The following FCHO2 variants were observed in gnomAD, a reference collection of about 807,000 sequenced individuals.
FCHO2 encodes the protein F-BAR domain only protein 2.
A neutral mutation model predicts 114.1 loss-of-function variants in FCHO2; 43 were observed. That is an observed-to-expected ratio of 0.38 (90% CI 0.30 to 0.49). The LOEUF is 0.49. FCHO2 is among the 20% of genes least tolerant of loss of function. The pLI is 0.97. For synonymous variants in FCHO2, 293 were observed against 315.2 expected (o/e 0.93, Z 0.75); for missense variants, 807 against 950.4 (o/e 0.85, Z 1.98).
chr5:72,974,997 A>C lies in FCHO2; in HGVS notation c.125+6408A>C, dbSNP rs985857149. On this transcript the variant is annotated intron_variant, in intron 2 of 25. Coordinates refer to ENST00000430046, the MANE Select transcript of FCHO2 (RefSeq NM_138782.3). ...TGACTGGATATGAAATTCGGGGTTG[A>C]AAATTCTTTTCTTTAAGAATGTTGA... 5.3e-5 allele frequency among the ~76,000 whole-genome samples: 8 copies of C among 152,120 alleles called. No homozygotes were observed. In the East Asian group the frequency reaches 1.5e-3, roughly 29 times the overall value.
In FCHO2 at chr5:73,068,696, C is replaced by G; in HGVS notation, c.1496C>G (p.Pro499Arg). The G allele has an allele frequency of 1.2e-6, 2 of 1,612,526 alleles. No individual in the cohort carries two copies. ...PPVTSNTSPP[P>R]AAPLARAESS... ...GTAACTTCCAACACCAGCCCACCTC[C>G]TGCTGCACCATTAGCCCGGGCAGAA... is the stretch of plus-strand genomic sequence containing the variant. Residue 499 changes from proline to arginine, a missense_variant, in exon 19 of 26, where the codon CCT (proline) becomes CGT (arginine). Coordinates refer to ENST00000430046, the MANE Select transcript of FCHO2 (RefSeq NM_138782.3).
chr5:73,041,400 C>G, intron 11 of FCHO2, 85 bp downstream of exon 11: 1 of 787,146 alleles, frequency 1.3e-6, no homozygotes, highest in Non-Finnish European at 2.0e-6. Flanking sequence ...TGAGTTGTTA[C>G]CAGTCTTTCA....
intron 11 of FCHO2, among the ~76,000 whole-genome samples, chr5:73,044,265 A>T (rs1324087470): frequency 6.6e-6 from 1 of 152,186 alleles, no homozygotes; most frequent in Non-Finnish European, 1.5e-5. Context: ...GTGAGAACAG[A>T]CGAATACAGT....
intron 6 of FCHO2, among the ~76,000 whole-genome samples, chr5:73,014,016 C>T (rs773954458): frequency 1.3e-5 from 2 of 151,864 alleles, no homozygotes; most frequent in Non-Finnish European, 2.9e-5. Context: ...ATTGTGAAGG[C>T]AAGGCAAGCA....
At chr5:72,998,930 C>T (rs1451043180) in intron 5 of FCHO2, among the ~76,000 whole-genome samples, 3 of 150,840 alleles carry the variant, frequency 2.0e-5, no homozygotes, top group African/African-American at 4.9e-5. Flanking sequence ...TGGGTGCAAG[C>T]GATCACCTCA....
intron 24 of FCHO2, among the ~76,000 whole-genome samples, chr5:73,083,575 T>C (rs983198515): frequency 2.0e-5 from 3 of 152,322 alleles, no homozygotes; most frequent in East Asian, 1.9e-4. Context: ...CCAGAAATCA[T>C]GTAGACGCTT....
At chr5:72,997,666 G>A (rs1754196824) in intron 5 of FCHO2, 6 of 1,527,404 alleles carry the variant, frequency 3.9e-6, no homozygotes, top group Admixed American at 3.4e-5. Flanking sequence ...CCCTTCACCT[G>A]AGTTGGGGTT....
At chr5:73,015,808 A>G (rs1755276873) in intron 7 of FCHO2, 84 bp downstream of exon 7, 4 of 759,438 alleles carry the variant, frequency 5.3e-6, no homozygotes, top group Non-Finnish European at 8.1e-6. Flanking sequence ...CACTCTGTTC[A>G]AAGTTCATAA....
chr5:73,030,971 A>G (rs1270496198), intron 8 of FCHO2, among the ~76,000 whole-genome samples: 1 of 152,222 alleles, frequency 6.6e-6, no homozygotes, highest in African/African-American at 2.4e-5. Context: ...GAGAGAAAGC[A>G]AATGCTATAT....
intron 2 of FCHO2, among the ~76,000 whole-genome samples, chr5:72,982,911 G>A (rs1753295466): frequency 7.3e-6 from 1 of 136,496 alleles, no homozygotes; most frequent in African/African-American, 2.7e-5. Context: ...CCATCGTATT[G>A]CATTTGTTCC....
At position 72,988,046 on chromosome 5, in the gene FCHO2, A is replaced by G. The variant is rs140130451; in HGVS notation, c.126-1381A>G. Among the ~76,000 whole-genome samples, 310 of 152,284 alleles carry G rather than the reference A, an allele frequency of 2.0e-3. 3 individuals are homozygous for G. Among genetic ancestry groups the G allele is most frequent in the African/African-American group, 7.2e-3 (300 of 41,560 alleles). Reference sequence around the variant, plus strand: ...AAGTTGGTTGGACCAATCAAAGTAAATGGAGGGATGATGGTGGTTGTAGAA... The same window carrying G: ...AAGTTGGTTGGACCAATCAAAGTAAGTGGAGGGATGATGGTGGTTGTAGAA... On this transcript the variant is annotated intron_variant, in intron 2 of 25. Transcript: ENST00000430046.
chr5:73,051,505 A>G, intron 12 of FCHO2, 99 bp downstream of exon 12: 1 of 678,348 alleles, frequency 1.5e-6, no homozygotes, highest in South Asian at 2.3e-5. Flanking sequence ...ATTTTTTATT[A>G]ATTATAAAAT....
chr5:73,066,677 A>C (rs1742352222), intron 18 of FCHO2, among the ~76,000 whole-genome samples: 2 of 146,824 alleles, frequency 1.4e-5, no homozygotes, highest in African/African-American at 5.1e-5. Flanking sequence ...CATCCTCCCT[A>C]CCCACTGAAA....
At chr5:73,038,231 C>T (rs908277474) in intron 10 of FCHO2, 1 of 152,206 alleles carries the variant, frequency 6.6e-6, no homozygotes, top group Non-Finnish European at 1.5e-5. Flanking sequence ...TATGCCAGGT[C>T]CCACCTCAGA....
chr5:73,019,147 G>A (rs1436623884), intron 8 of FCHO2, among the ~76,000 whole-genome samples: 1 of 152,196 alleles, frequency 6.6e-6, no homozygotes, highest in Non-Finnish European at 1.5e-5. Context: ...GAAGTAGGAA[G>A]CTAGTGTAAC....
chr5:73,063,567 A>G (rs1472421618), intron 17 of FCHO2, among the ~76,000 whole-genome samples: 1 of 152,102 alleles, frequency 6.6e-6, no homozygotes, highest in Non-Finnish European at 1.5e-5. Flanking sequence ...TATCAGATTT[A>G]ATTTTTATAT....
chr5:72,990,473 C>T lies in FCHO2; in HGVS notation c.201-5C>T. ...AAGTTATTCCCATATTTTTTATTTT[C>T]TTAGAACATTTGCACCAGTATGGGA... On this transcript the variant is annotated splice_region_variant and splice_polypyrimidine_tract_variant and intron_variant, in intron 3 of 25. Coordinates refer to ENST00000430046, the MANE Select transcript of FCHO2 (RefSeq NM_138782.3). 3 of 1,491,546 alleles carry T rather than the reference C, an allele frequency of 2.0e-6. No individual in the cohort carries two copies. The highest frequency in any genetic ancestry group is 1.4e-5 in the African/African-American group (1 of 69,508). 92.4% of individuals were successfully genotyped at this position (1,491,546 alleles called of 1,614,324 possible).
At chr5:72,960,016 G>A (rs1017005169) in intron 1 of FCHO2, among the ~76,000 whole-genome samples, 4 of 152,188 alleles carry the variant, frequency 2.6e-5, no homozygotes, top group Admixed American at 6.5e-5. Context: ...CTGGGCTCAA[G>A]CCATGTTTCC....
intron 8 of FCHO2, among the ~76,000 whole-genome samples, chr5:73,027,532 A>G (rs1363487014): frequency 1.3e-5 from 2 of 152,170 alleles, no homozygotes; most frequent in Admixed American, 6.5e-5. Flanking sequence ...TATTTCCTTT[A>G]GTTGAAGTTT....
Sources: allele counts gnomAD v4.1 joint callset (sites outside exome capture counted in the v4.1 genomes callset), GRCh38; gene constraint gnomAD v4.1.1; transcripts MANE v1.5; gene names NCBI Gene and HGNC (gene_info 2026-07-23, HGNC 2026-07-21).